Variants in MBD2 observed in about 807,000 individuals in gnomAD.
MBD2 encodes the protein methyl-CpG-binding domain protein 2.
MBD2 carries 9 observed loss-of-function variants against 39.3 expected under a neutral mutation model. The observed-to-expected ratio is 0.23, with a 90% CI of 0.14 to 0.40. The LOEUF (loss-of-function observed/expected upper bound fraction) is 0.40, where lower values mean the gene tolerates loss of function less well. MBD2 is among the 10% of genes least tolerant of loss of function. The probability of loss-of-function intolerance (pLI) is 1.00; values close to 1 mark genes in which losing one functional copy is unlikely to be tolerated. For missense variants in MBD2, 458 were observed against 532.6 expected (o/e 0.86, Z 1.38); for synonymous variants, 233 against 211.1 (o/e 1.10, Z -0.90).
chr18:54,224,470 G>T lies in MBD2; in HGVS notation c.90C>A (p.Ser30=). Residue 30 remains serine, a synonymous_variant, in exon 1 of 7, where the codon TCC becomes TCA. Transcript: ENST00000256429. ...TGCCCTGGCCCCCCTGCTCTATGGCGGAGTCGCCGCCAGCGCCGCTGCCGC... is the reference window on the plus strand; with the variant it reads ...TGCCCTGGCCCCCCTGCTCTATGGCTGAGTCGCCGCCAGCGCCGCTGCCGC... ...AAGGSGAGGD[S]AIEQGGQGSA... 1.6e-6 allele frequency: 2 copies of T among 1,232,446 alleles called. No individual in the cohort carries two copies. Among genetic ancestry groups the T allele is most frequent in the Non-Finnish European group, 2.0e-6 (2 of 989,592 alleles). The allele number at this position is 1,232,446 out of a possible 1,614,324, so 76.3% of individuals were successfully genotyped here.
intron 5 of MBD2, among the ~76,000 whole-genome samples, chr18:54,160,673 A>G (rs2086090346): frequency 6.6e-6 from 1 of 151,778 alleles, no homozygotes; most frequent in African/African-American, 2.4e-5. Flanking sequence ...AAAAGAAAAG[A>G]AAGTAGATCC....
chr18:54,155,899 T>C (rs999584763), intron 6 of MBD2, among the ~76,000 whole-genome samples: 1 of 152,200 alleles, frequency 6.6e-6, no homozygotes, highest in Non-Finnish European at 1.5e-5. Context: ...GTCATCATCT[T>C]CTTCTTCTTC....
At position 54,171,305 on chromosome 18, in the gene MBD2, G is replaced by A. The variant is rs563610541; in HGVS notation, c.841-5139C>T. On this transcript the variant is annotated intron_variant, in intron 3 of 6. Coordinates refer to ENST00000256429, the MANE Select transcript of MBD2 (RefSeq NM_003927.5). ...AATGCTACTCAGGAAGCTGAGGCAG[G>A]AGAATCACTTGAACCCAGGAGGTGG... Among the ~76,000 whole-genome samples, 12 of 152,196 alleles carry A rather than the reference G, an allele frequency of 7.9e-5. No homozygotes were observed. The East Asian group carries it at 2.3e-3, about 29-fold the overall frequency.
chr18:54,213,621 T>C (rs1432390291), intron 1 of MBD2, among the ~76,000 whole-genome samples: 2 of 152,136 alleles, frequency 1.3e-5, no homozygotes, highest in Non-Finnish European at 2.9e-5. Context: ...CTGGTTATTT[T>C]GGTTGAATTG....
Position 54,159,831 on chromosome 18 carries a change from T to C in MBD2, c.1182A>G (p.Arg394=), listed in dbSNP as rs1264803251. ...TATCCATCTCTTCTGTATCAGCAGC[T>C]CGCGACAAGATGTCTGCCATCAGTG... ...EEALMADILS[R]AADTEEMDIE... The change falls in exon 6 of 7, where the codon CGA becomes CGG. Residue 394 remains arginine (R), a synonymous_variant. Transcript: ENST00000256429. The C allele has an allele frequency of 1.2e-6, 2 of 1,612,852 alleles. No homozygotes were observed. Among genetic ancestry groups the C allele is most frequent in the East Asian group, 4.5e-5 (2 of 44,888 alleles).
At chr18:54,167,995 C>G (rs1459058192) in intron 3 of MBD2, among the ~76,000 whole-genome samples, 1 of 147,198 alleles carries the variant, frequency 6.8e-6, no homozygotes, top group African/African-American at 2.5e-5. Context: ...TTTCTAATGA[C>G]AAAGCATCTA....
intron 2 of MBD2, among the ~76,000 whole-genome samples, chr18:54,197,058 C>A (rs371653623): frequency 6.6e-6 from 1 of 152,130 alleles, no homozygotes; most frequent in Non-Finnish European, 1.5e-5. Flanking sequence ...TTTCTGTATA[C>A]GAGAAAATTA....
chr18:54,224,100 C>T lies in MBD2; in HGVS notation c.460G>A (p.Ala154Thr), dbSNP rs777394946. 2 of 1,590,910 alleles carry T rather than the reference C, an allele frequency of 1.3e-6. No individual in the cohort carries two copies. Among genetic ancestry groups the T allele is most frequent in the Admixed American group, 1.7e-5 (1 of 59,154 alleles). Residue 154 changes from alanine (A) to threonine (T), a missense_variant, in exon 1 of 7, where the codon GCC becomes ACC. By Grantham distance (58) the Ala-to-Thr change is moderately conservative (BLOSUM62 0). Coordinates refer to ENST00000256429, the MANE Select transcript of MBD2 (RefSeq NM_003927.5). ...TCCTTCTTCCATCCGGGGGGGAGGG[C>T]CGGGCAATCCATCCTCTTCCCGCTC... ...TESGKRMDCP[A>T]LPPGWKKEEV...
At chr18:54,215,386 C>T (rs894354252) in intron 1 of MBD2, among the ~76,000 whole-genome samples, 2 of 151,722 alleles carry the variant, frequency 1.3e-5, no homozygotes, top group East Asian at 1.9e-4. Flanking sequence ...ACAGACCACT[C>T]GAACAAACGC....
chr18:54,211,535 C>T (rs1021891246), intron 1 of MBD2, among the ~76,000 whole-genome samples: 2 of 152,184 alleles, frequency 1.3e-5, no homozygotes, highest in South Asian at 4.1e-4. Flanking sequence ...CTCAGCACTC[C>T]TCTACAGCTT....
At chr18:54,223,590 A>G (rs567236699) in intron 1 of MBD2, among the ~76,000 whole-genome samples, 1 of 152,238 alleles carries the variant, frequency 6.6e-6, no homozygotes, top group Non-Finnish European at 1.5e-5. Flanking sequence ...GGATGAAGTA[A>G]ATGAAACCTT....
In MBD2 at chr18:54,153,382, AC is replaced by A. The variant is rs1400527862; in HGVS notation, c.*1941del. On this transcript the variant is annotated 3_prime_UTR_variant, in exon 7 of 7. Coordinates refer to ENST00000256429, the MANE Select transcript of MBD2 (RefSeq NM_003927.5). ...TGTGGGTATATTGGGAACACCCTGG[AC>A]TTATGGGATGGTCCCCAAGGGACAC... The A allele has an allele frequency of 6.6e-6, 1 of 152,058 alleles. No homozygotes were observed. The highest frequency in any genetic ancestry group is 1.5e-5 in the Non-Finnish European group (1 of 68,030). 9.4% of individuals were successfully genotyped at this position (152,058 alleles called of 1,614,324 possible).
chr18:54,192,084 T>C (rs1444164468), intron 2 of MBD2, among the ~76,000 whole-genome samples: 1 of 152,184 alleles, frequency 6.6e-6, no homozygotes, highest in Non-Finnish European at 1.5e-5. Context: ...CTCGACCATT[T>C]GGAGGCCCTA....
chr18:54,203,010 G>A (rs1470794377), intron 2 of MBD2: 3 of 1,108,256 alleles, frequency 2.7e-6, no homozygotes, highest in Non-Finnish European at 4.2e-6. Context: ...GGGGAAGGGG[G>A]TAAGCACATT....
chr18:54,155,876 C>CTTTG (rs1428251694), intron 6 of MBD2, among the ~76,000 whole-genome samples: 1 of 152,108 alleles, frequency 6.6e-6, no homozygotes, highest in Non-Finnish European at 1.5e-5. Context: ...ATATTCACAC[C>CTTTG]TTTGTTTTTA....
chr18:54,183,598 C>T (rs988673626), intron 3 of MBD2, among the ~76,000 whole-genome samples: 1 of 152,182 alleles, frequency 6.6e-6, no homozygotes, highest in Non-Finnish European at 1.5e-5. Flanking sequence ...TAACAAGGAA[C>T]ATCAGCAATT....
intron 2 of MBD2, among the ~76,000 whole-genome samples, chr18:54,195,705 T>C (rs1394288461): frequency 6.6e-6 from 1 of 151,904 alleles, no homozygotes; most frequent in Non-Finnish European, 1.5e-5. Context: ...CATCCATATA[T>C]AGTCATAAAA....
Position 54,159,745 on chromosome 18 carries a change from T to G in MBD2, c.*12+20A>C, listed in dbSNP as rs78868731. 1.4e-5 allele frequency: 22 copies of G among 1,601,286 alleles called. No individual in the cohort carries two copies. The East Asian group carries it at 4.7e-4, about 34-fold the overall frequency. On this transcript the variant is annotated intron_variant, in intron 6 of 6. Transcript: ENST00000256429. ...AAACACACCTTAAGTTCCAAGTCAC[T>G]CTCTCTGGTGTCAGTTTACCTGATC... is the stretch of plus-strand genomic sequence containing the variant.
intron 2 of MBD2, among the ~76,000 whole-genome samples, chr18:54,197,143 A>C (rs762675633): frequency 2.0e-5 from 3 of 152,122 alleles, no homozygotes; most frequent in Non-Finnish European, 2.9e-5. Context: ...TCCTTTATTC[A>C]TTCATTAAAC....
Sources: gnomAD v4.1 joint callset for allele counts (sites outside exome capture counted in the v4.1 genomes callset) on GRCh38, gnomAD v4.1.1 for gene constraint, MANE v1.5 for transcripts, NCBI Gene and HGNC (gene_info 2026-07-23, HGNC 2026-07-21) for gene names.